The following SLCO1A2 variants were observed in gnomAD, a reference collection of about 807,000 sequenced individuals.
SLCO1A2 encodes the protein solute carrier organic anion transporter family member 1A2.
SLCO1A2 carries 67 observed loss-of-function variants against 69.0 expected under a neutral mutation model. That is an observed-to-expected ratio of 0.97 (90% CI 0.80 to 1.19). SLCO1A2 has a LOEUF of 1.19. Among genes scored for constraint, SLCO1A2 ranks in the 50% most tolerant of loss-of-function variants. The pLI is 0.00. For synonymous variants in SLCO1A2, 260 were observed against 265.9 expected, an observed-to-expected ratio of 0.98 and a Z score of 0.22; for missense variants, 787 against 793.7, an observed-to-expected ratio of 0.99 and a Z score of 0.10.
intron 2 of SLCO1A2, among the ~76,000 whole-genome samples, chr12:21,370,897 G>A (rs547341967): frequency 6.4e-4 from 98 of 152,250 alleles, no homozygotes; most frequent in Non-Finnish European, 1.1e-3. Context: ...TAGCCCTCAA[G>A]GGTTCTTGGC....
At chr12:21,356,659 T>C (rs994319465) in intron 2 of SLCO1A2, among the ~76,000 whole-genome samples, 4 of 152,278 alleles carry the variant, frequency 2.6e-5, no homozygotes, top group Admixed American at 2.6e-4. Flanking sequence ...GTGTTATACA[T>C]TTCTATGCAC....
At chr12:21,289,040 TTAAATA>T (rs1275863076) in intron 12 of SLCO1A2, among the ~76,000 whole-genome samples, 15 of 152,016 alleles carry the variant, frequency 9.9e-5, no homozygotes, top group African/African-American at 2.9e-4. Flanking sequence ...AAATATAAAT[TTAAATA>T]TATTTAAAAT....
intron 4 of SLCO1A2, 28 bp downstream of exon 4, chr12:21,314,521 C>A: frequency 6.2e-7 from 1 of 1,611,260 alleles, no homozygotes; most frequent in Non-Finnish European, 8.5e-7. Flanking sequence ...AATTTGACCA[C>A]CCAAAATTAT....
At chr12:21,309,294 T>C (rs1272949748) in intron 4 of SLCO1A2, among the ~76,000 whole-genome samples, 1 of 152,096 alleles carries the variant, frequency 6.6e-6, no homozygotes, top group Non-Finnish European at 1.5e-5. Context: ...GGAGATATTA[T>C]CAAAGAAATA....
chr12:21,296,306 T>C (rs756902827), intron 9 of SLCO1A2, among the ~76,000 whole-genome samples: 52 of 152,130 alleles, frequency 3.4e-4, no homozygotes, highest in African/African-American at 5.8e-4. Flanking sequence ...AGTGATATGA[T>C]CATAGCTGAC....
At position 21,304,536 on chromosome 12, in the gene SLCO1A2, G is replaced by A. The variant is rs766171074; in HGVS notation, c.480C>T (p.Tyr160=). Residue 160 remains tyrosine, a synonymous_variant, in exon 6 of 15, where the codon TAC becomes TAT. Transcript: ENST00000683939. The part of the protein sequence containing the change: ...TKEVKSLMWV[Y]VLVGNIVRGM... ...CACGTACAATATTGCCTACTAGGAC[G>A]TACACCCACATTAATGATTTAACTT... 1.6e-5 allele frequency: 26 copies of A among 1,611,794 alleles called. No individual in the cohort carries two copies. The highest frequency in any genetic ancestry group is 6.6e-5 in the South Asian group (6 of 90,904).
chr12:21,353,281 T>C (rs1938102182), intron 2 of SLCO1A2, among the ~76,000 whole-genome samples: 2 of 152,052 alleles, frequency 1.3e-5, no homozygotes. Flanking sequence ...CAACAGAAAG[T>C]AATAGTATTT....
upstream of SLCO1A2, among the ~76,000 whole-genome samples, chr12:21,339,874 T>A (rs930378164): frequency 2.0e-5 from 3 of 151,918 alleles, no homozygotes; most frequent in Non-Finnish European, 4.4e-5. Flanking sequence ...ACAGAGAGGA[T>A]CAGAGGATAG....
At chr12:21,398,200 C>T (rs935705468), upstream of SLCO1A2, among the ~76,000 whole-genome samples, 539 of 150,778 alleles carry the variant, frequency 3.6e-3, 4 homozygotes, top group African/African-American at 0.013. Flanking sequence ...ATGTCACCAC[C>T]GATCCCACAG....
chr12:21,361,492 G>A (rs1304902081), intron 2 of SLCO1A2, among the ~76,000 whole-genome samples: 4 of 152,188 alleles, frequency 2.6e-5, no homozygotes, highest in Non-Finnish European at 1.5e-5. Flanking sequence ...CTCCTCCAAA[G>A]GAACAGAGCT....
chr12:21,310,809 T>C (rs937707753), intron 4 of SLCO1A2, among the ~76,000 whole-genome samples: 1 of 152,180 alleles, frequency 6.6e-6, no homozygotes. Context: ...TTCACCGTGT[T>C]AGCCAGGATG....
intron 3 of SLCO1A2, among the ~76,000 whole-genome samples, chr12:21,315,885 T>A (rs750761642): frequency 2.6e-5 from 4 of 152,214 alleles, no homozygotes; most frequent in Non-Finnish European, 4.4e-5. Context: ...TGCCTTGCTC[T>A]GTCAGGAAAT....
chr12:21,415,790 C>G (rs551253234), intron 1 of SLCO1A2, among the ~76,000 whole-genome samples: 1 of 152,062 alleles, frequency 6.6e-6, no homozygotes, highest in African/African-American at 2.4e-5. Flanking sequence ...ATTCTGTAAG[C>G]TCTTTCAATA....
chr12:21,405,873 C>T (rs2159946), intron 1 of SLCO1A2, among the ~76,000 whole-genome samples: 72,910 of 152,034 alleles, frequency 0.48, 17,645 homozygotes, highest in Middle Eastern at 0.55. Context: ...GTAGCTGTTA[C>T]CTTGGACAAG....
rs567645430 is a variant in SLCO1A2 at position 21,384,256 on chromosome 12, G to A, written c.-189-9731C>T. Among the ~76,000 whole-genome samples the A allele has an allele frequency of 2.0e-3, 306 of 152,194 alleles. 1 individual carries two copies. The highest frequency in any genetic ancestry group is 7.1e-3 in the African/African-American group (293 of 41,544). ...AAAAGCGGGTACAAAACAATGCAGA[G>A]AAAGCTTCAAAGATGAACAAAAAGG... On this transcript the variant is annotated intron_variant, in intron 1 of 15. Transcript: ENST00000307378.
chr12:21,346,465 TTCAAA>T (rs1175154573), intron 2 of SLCO1A2, among the ~76,000 whole-genome samples: 1 of 152,094 alleles, frequency 6.6e-6, no homozygotes, highest in Non-Finnish European at 1.5e-5. Flanking sequence ...GCGTGTACAG[TTCAAA>T]TCAAGCCATA....
intron 2 of SLCO1A2, among the ~76,000 whole-genome samples, chr12:21,324,121 G>T (rs1028291149): frequency 6.6e-6 from 1 of 152,138 alleles, no homozygotes; most frequent in African/African-American, 2.4e-5. Flanking sequence ...ATGGAAAATG[G>T]AAGCTATCTC....
At chr12:21,348,837 C>T (rs760396060) in intron 2 of SLCO1A2, among the ~76,000 whole-genome samples, 6 of 152,130 alleles carry the variant, frequency 3.9e-5, no homozygotes, top group Admixed American at 6.5e-5. Flanking sequence ...AATACAATAG[C>T]GGGCACATGT....
At chr12:21,309,392 T>C (rs1949830667) in intron 4 of SLCO1A2, among the ~76,000 whole-genome samples, 1 of 152,192 alleles carries the variant, frequency 6.6e-6, no homozygotes, top group African/African-American at 2.4e-5. Context: ...ATCATGAATT[T>C]TGGACTTGGA....
Sources: gnomAD v4.1 joint callset for allele counts (sites outside exome capture counted in the v4.1 genomes callset) on GRCh38, gnomAD v4.1.1 for gene constraint, MANE v1.5 for transcripts, NCBI Gene and HGNC (gene_info 2026-07-23, HGNC 2026-07-21) for gene names.